Variants in CNOT1 observed in about 807,000 individuals in gnomAD.
The protein encoded by CNOT1 is CCR4-associated factor 1.
CNOT1 carries 15 observed loss-of-function variants against 273.8 expected under a neutral mutation model. The ratio of observed to expected loss-of-function variants is 0.05; its 90% CI spans 0.04 to 0.08. The LOEUF is 0.08. Among genes scored for constraint, CNOT1 ranks in the 10% least tolerant of loss-of-function variants. The probability of loss-of-function intolerance (pLI) is 1.00; values close to 1 mark genes in which losing one functional copy is unlikely to be tolerated. For synonymous variants in CNOT1, 1,022 were observed against 1,005.5 expected (o/e 1.02, Z -0.31); for missense variants, 1,644 against 2,912.2 (o/e 0.56, Z 10.02).
At chr16:58,580,137 G>A (rs1363331231) in intron 12 of CNOT1, among the ~76,000 whole-genome samples, 6 of 152,062 alleles carry the variant, frequency 3.9e-5, no homozygotes, top group Admixed American at 2.6e-4. Flanking sequence ...TTAAACCGGG[G>A]AGGCGGAGGT....
intron 25 of CNOT1, chr16:58,548,417 C>A: frequency 2.2e-6 from 1 of 455,212 alleles, no homozygotes; most frequent in Admixed American, 2.4e-5. Flanking sequence ...AAAACATGGT[C>A]TTGAAACTTT....
chr16:58,550,693 T>C (rs2040420508), intron 24 of CNOT1, among the ~76,000 whole-genome samples: 1 of 152,176 alleles, frequency 6.6e-6, no homozygotes. Context: ...TATAACAGGA[T>C]TTGGCTACAT....
chr16:58,603,408 AGTGTGT>A (rs200088613), intron 1 of CNOT1, among the ~76,000 whole-genome samples: 11,074 of 96,150 alleles, frequency 0.12, 487 homozygotes, highest in South Asian at 0.19. Flanking sequence ...ACAATTTAAA[AGTGTGT>A]GTGTGTGTGT....
intron 2 of CNOT1, among the ~76,000 whole-genome samples, chr16:58,592,987 T>C (rs1298728956): frequency 1.3e-5 from 2 of 152,130 alleles, no homozygotes; most frequent in Admixed American, 6.6e-5. Flanking sequence ...ACCCTCAACA[T>C]ACTCCTCACC....
At chr16:58,592,721 C>A (rs1454007101) in intron 2 of CNOT1, among the ~76,000 whole-genome samples, 1 of 152,090 alleles carries the variant, frequency 6.6e-6, no homozygotes, top group Non-Finnish European at 1.5e-5. Flanking sequence ...CCAAAACATA[C>A]AAATATCCTC....
intron 2 of CNOT1, among the ~76,000 whole-genome samples, chr16:58,598,283 A>AGCT (rs894321026): frequency 6.6e-6 from 1 of 151,824 alleles, no homozygotes; most frequent in Non-Finnish European, 1.5e-5. Flanking sequence ...CTATAATCCC[A>AGCT]GCTACTCGGA....
intron 24 of CNOT1, among the ~76,000 whole-genome samples, chr16:58,550,382 C>T (rs959468395): frequency 2.0e-5 from 3 of 152,140 alleles, no homozygotes; most frequent in African/African-American, 7.2e-5. Context: ...CCTCCACTAC[C>T]TCGGAGACAC....
chr16:58,567,115 C>T (rs1284537822), intron 16 of CNOT1, among the ~76,000 whole-genome samples: 1 of 151,866 alleles, frequency 6.6e-6, no homozygotes, highest in Non-Finnish European at 1.5e-5. Context: ...TGCCTGTGAA[C>T]ATGCACTGTA....
intron 34 of CNOT1, among the ~76,000 whole-genome samples, chr16:58,540,936 T>C (rs1228105531): frequency 2.0e-5 from 3 of 152,176 alleles, no homozygotes; most frequent in African/African-American, 7.2e-5. Flanking sequence ...CTGGGCACAA[T>C]GGCTCAGGCC....
chr16:58,588,795 A>G lies in CNOT1; in HGVS notation c.210+4T>C, dbSNP rs2041959356. 1.9e-6 allele frequency: 3 copies of G among 1,613,332 alleles called. No individual in the cohort carries two copies. Among genetic ancestry groups the G allele is most frequent in the Non-Finnish European group, 2.5e-6 (3 of 1,179,750 alleles). ...TGGACATGAACTCTGTAAGCCCCAA[A>G]TACCTGATGGAAATCTTTGCCACTG... On this transcript the variant is annotated splice_donor_region_variant and intron_variant, in intron 3 of 48. Coordinates refer to ENST00000317147, the MANE Select transcript of CNOT1 (RefSeq NM_016284.5).
At chr16:58,588,732 A>G in intron 3 of CNOT1, 67 bp downstream of exon 3, 1 of 1,565,894 alleles carries the variant, frequency 6.4e-7, no homozygotes, top group Non-Finnish European at 8.7e-7. Flanking sequence ...TATGCTACAT[A>G]CACTATGCCC....
chr16:58,600,043 A>G (rs542177757), intron 1 of CNOT1, among the ~76,000 whole-genome samples: 53 of 152,066 alleles, frequency 3.5e-4, no homozygotes, highest in African/African-American at 1.3e-3. Context: ...AGCTCTGGGC[A>G]ACAGAGCAAG....
intron 2 of CNOT1, among the ~76,000 whole-genome samples, chr16:58,591,135 G>C (rs1458420225): frequency 1.3e-5 from 2 of 152,124 alleles, no homozygotes; most frequent in Non-Finnish European, 2.9e-5. Context: ...GAAAAACCTA[G>C]AGTGCAAAAG....
chr16:58,595,353 G>A (rs1283400833), intron 2 of CNOT1, among the ~76,000 whole-genome samples: 1 of 145,702 alleles, frequency 6.9e-6, no homozygotes, highest in East Asian at 2.1e-4. Flanking sequence ...GAGATGACCA[G>A]GTTTTTAAAA....
At chr16:58,539,740 T>C in intron 35 of CNOT1, 28 bp downstream of exon 35, 1 of 1,582,238 alleles carries the variant, frequency 6.3e-7, no homozygotes, top group Non-Finnish European at 8.6e-7. Context: ...ACCTAGCATT[T>C]TCTAAAAGTA....
In CNOT1 at chr16:58,530,357, A is replaced by T. The variant is rs1462801355; in HGVS notation, c.6178-10T>A. The T allele has an allele frequency of 6.3e-7, 1 of 1,596,372 alleles. No homozygotes were observed. The highest frequency in any genetic ancestry group is 8.6e-7 in the Non-Finnish European group (1 of 1,167,798). On this transcript the variant is annotated splice_polypyrimidine_tract_variant and intron_variant, in intron 42 of 48. Transcript: ENST00000317147. ...CATACATAGGCCACCCCTGAAAGAA[A>T]GAAATGTACATGAGTCATAATTATA...
At chr16:58,560,127 TCAGA>T in intron 17 of CNOT1, 81 bp downstream of exon 17, 1 of 1,546,590 alleles carries the variant, frequency 6.5e-7, no homozygotes, top group Non-Finnish European at 8.7e-7. Context: ...TGTAATAAAT[TCAGA>T]CAATTTATTA....
chr16:58,575,627 T>C (rs1404557369), intron 14 of CNOT1, among the ~76,000 whole-genome samples: 1 of 152,004 alleles, frequency 6.6e-6, no homozygotes, highest in African/African-American at 2.4e-5. Flanking sequence ...GGTGAAACCC[T>C]GTCTCTACTA....
At chr16:58,575,798 CA>C (rs71849877) in intron 14 of CNOT1, among the ~76,000 whole-genome samples, 51,421 of 148,656 alleles carry the variant, frequency 0.35, 10,081 homozygotes, top group Non-Finnish European at 0.46. Context: ...ATTCTATCTC[CA>C]AAAAAAAAAG....
Sources: gnomAD v4.1 joint callset for allele counts (sites outside exome capture counted in the v4.1 genomes callset) on GRCh38, gnomAD v4.1.1 for gene constraint, MANE v1.5 for transcripts, NCBI Gene and HGNC (gene_info 2026-07-23, HGNC 2026-07-21) for gene names.